MAGI1: variants seen among roughly 807,000 people sequenced by gnomAD.
MAGI1 encodes the protein membrane associated guanylate kinase, WW and PDZ domain containing 1, also known as membrane-associated guanylate kinase, WW and PDZ domain-containing protein 1.
MAGI1 carries 58 observed loss-of-function variants against 139.9 expected under a neutral mutation model. That is an observed-to-expected ratio of 0.41 (90% CI 0.34 to 0.52). MAGI1 has a LOEUF of 0.52. Among genes scored for constraint, MAGI1 ranks in the 20% least tolerant of loss-of-function variants. The pLI, the probability that MAGI1 is intolerant of heterozygous loss-of-function variation, is 0.12. For synonymous variants in MAGI1, 812 were observed against 737.9 expected, an observed-to-expected ratio of 1.10 and a Z score of -1.63; for missense variants, 1,874 against 1,901.6, an observed-to-expected ratio of 0.99 and a Z score of 0.27.
chr3:65,806,131 T>G (rs2040839343), intron 1 of MAGI1, among the ~76,000 whole-genome samples: 1 of 152,082 alleles, frequency 6.6e-6, no homozygotes, highest in South Asian at 2.1e-4. Context: ...ATTAAAAATT[T>G]TTTTCAAAAA....
At chr3:65,387,054 C>G in intron 14 of MAGI1, 1 of 1,187,736 alleles carries the variant, frequency 8.4e-7, no homozygotes, top group Non-Finnish European at 1.2e-6. Flanking sequence ...CCTCTCTTTT[C>G]TGAACTTCTC....
chr3:65,747,638 G>A lies in MAGI1; in HGVS notation c.314-125550C>T, dbSNP rs144007059. Among the ~76,000 whole-genome samples the A allele has an allele frequency of 2.4e-3, 360 of 152,268 alleles. 3 individuals are homozygous for A. Among genetic ancestry groups the A allele is most frequent in the Admixed American group, 3.5e-3 (54 of 15,296 alleles). ...TTAAGAGTCCAGAGGGGTGAACTGT[G>A]GACTTCAGTTAAGTGATGTGTTGAT... On this transcript the variant is annotated intron_variant, in intron 1 of 22. Transcript: ENST00000402939.
chr3:65,503,960 T>C (rs953122197), intron 2 of MAGI1, among the ~76,000 whole-genome samples: 1 of 152,096 alleles, frequency 6.6e-6, no homozygotes, highest in African/African-American at 2.4e-5. Flanking sequence ...ATGTTACCTT[T>C]CAAGGAGATC....
chr3:65,606,245 C>T (rs898012752), intron 2 of MAGI1, among the ~76,000 whole-genome samples: 28 of 152,218 alleles, frequency 1.8e-4, no homozygotes, highest in African/African-American at 6.5e-4. Context: ...TATCTTTCCA[C>T]ATCCAAAACC....
intron 18 of MAGI1, among the ~76,000 whole-genome samples, chr3:65,370,346 G>A (rs1036926346): frequency 4.4e-4 from 67 of 152,214 alleles, no homozygotes; most frequent in African/African-American, 1.6e-3. Flanking sequence ...CACTTACAAA[G>A]TAACTAGAGA....
intron 1 of MAGI1, among the ~76,000 whole-genome samples, chr3:65,773,055 A>C (rs535646746): frequency 6.6e-6 from 1 of 152,290 alleles, no homozygotes; most frequent in East Asian, 1.9e-4. Context: ...GGTAAATGGC[A>C]AAAAAACTCT....
chr3:65,829,805 C>T lies in MAGI1; in HGVS notation c.314-207717G>A, dbSNP rs560951728. Among the ~76,000 whole-genome samples the T allele has an allele frequency of 1.6e-4, 24 of 152,212 alleles. 1 individual carries two copies. The South Asian group carries it at 4.3e-3, about 28-fold the overall frequency. On this transcript the variant is annotated intron_variant, in intron 1 of 22. Transcript: ENST00000402939. ...AAATCATTCCAGACTATTCTGAAAG[C>T]CAAAGATAATTAAGCTTGATCAGGA...
rs182208423 is a variant in MAGI1 at position 65,915,236 on chromosome 3, C to T, written c.313+122760G>A. The stretch of plus-strand genomic sequence containing the variant: ...TCAGAGCCCACAGGAGATACAAATG[C>T]TAGGACTGTTCACATTTGAACAGCA... On this transcript the variant is annotated intron_variant, in intron 1 of 22. Coordinates refer to ENST00000402939, the MANE Select transcript of MAGI1 (RefSeq NM_001033057.2). Among the ~76,000 whole-genome samples the T allele has an allele frequency of 9.8e-5, 15 of 152,324 alleles. No homozygotes were observed. The East Asian group carries it at 2.1e-3, about 22-fold the overall frequency.
At chr3:65,796,670 GAAT>G (rs2040170093) in intron 1 of MAGI1, among the ~76,000 whole-genome samples, 1 of 152,268 alleles carries the variant, frequency 6.6e-6, no homozygotes, top group East Asian at 1.9e-4. Flanking sequence ...TAAACCTTCT[GAAT>G]AATAATATGC....
chr3:65,639,753 A>C (rs1484297637), intron 1 of MAGI1, among the ~76,000 whole-genome samples: 1 of 152,160 alleles, frequency 6.6e-6, no homozygotes, highest in Non-Finnish European at 1.5e-5. Context: ...CTGTAATCCC[A>C]GCACTTTGGG....
At chr3:65,369,816 T>C (rs1304802241) in intron 18 of MAGI1, among the ~76,000 whole-genome samples, 1 of 152,144 alleles carries the variant, frequency 6.6e-6, no homozygotes, top group African/African-American at 2.4e-5. Context: ...GCCCCAGACG[T>C]GATGGATTTC....
At chr3:65,570,611 G>A (rs2080911473) in intron 2 of MAGI1, among the ~76,000 whole-genome samples, 1 of 152,078 alleles carries the variant, frequency 6.6e-6, no homozygotes, top group Admixed American at 6.6e-5. Context: ...TGATATCCAG[G>A]ATTTGCTACA....
At chr3:66,036,057 T>C (rs993419005) in intron 1 of MAGI1, among the ~76,000 whole-genome samples, 14 of 152,086 alleles carry the variant, frequency 9.2e-5, no homozygotes, top group African/African-American at 3.1e-4. Flanking sequence ...CTCCACCCTT[T>C]CTCCAAAATG....
chr3:65,966,077 GAGAT>G (rs1484630518), intron 1 of MAGI1, among the ~76,000 whole-genome samples: 1 of 152,010 alleles, frequency 6.6e-6, no homozygotes, highest in Non-Finnish European at 1.5e-5. Context: ...TTCCATGTAT[GAGAT>G]AGAGTCAGTA....
At chr3:65,858,745 C>A (rs1429336212) in intron 1 of MAGI1, among the ~76,000 whole-genome samples, 1 of 152,216 alleles carries the variant, frequency 6.6e-6, no homozygotes, top group Non-Finnish European at 1.5e-5. Flanking sequence ...TCTGTGATGA[C>A]ATGGGGTGAA....
intron 2 of MAGI1, among the ~76,000 whole-genome samples, chr3:65,505,804 T>C (rs2077261681): frequency 6.6e-6 from 1 of 151,980 alleles, no homozygotes; most frequent in South Asian, 2.1e-4. Context: ...GGAGTGAATA[T>C]TATTATGTAT....
chr3:65,735,104 A>T (rs1201281135), intron 1 of MAGI1, among the ~76,000 whole-genome samples: 1 of 152,200 alleles, frequency 6.6e-6, no homozygotes, highest in African/African-American at 2.4e-5. Flanking sequence ...AAATTTAAAT[A>T]TCTATGAATG....
intron 1 of MAGI1, among the ~76,000 whole-genome samples, chr3:65,627,720 T>A (rs376452461): frequency 1.3e-5 from 2 of 151,666 alleles, no homozygotes; most frequent in Admixed American, 6.6e-5. Flanking sequence ...GCTAGCCAGG[T>A]TGGTCTCGAT....
chr3:65,825,802 G>C (rs1421582270), intron 1 of MAGI1, among the ~76,000 whole-genome samples: 2 of 152,070 alleles, frequency 1.3e-5, no homozygotes, highest in East Asian at 3.9e-4. Flanking sequence ...AGCCTGGCCA[G>C]TATGGTGAAA....
Sources: gnomAD v4.1 joint callset for allele counts (sites outside exome capture counted in the v4.1 genomes callset) on GRCh38, gnomAD v4.1.1 for gene constraint, MANE v1.5 for transcripts, NCBI Gene and HGNC (gene_info 2026-07-23, HGNC 2026-07-21) for gene names.